Variants in NRIP1 observed in about 807,000 individuals in gnomAD.
NRIP1 encodes nuclear receptor-interacting protein 1.
A neutral mutation model predicts 75.0 loss-of-function variants in NRIP1; 28 were observed. The ratio of observed to expected loss-of-function variants is 0.37; its 90% CI spans 0.28 to 0.51. The LOEUF (loss-of-function observed/expected upper bound fraction) is 0.51. Among genes scored for constraint, NRIP1 ranks in the 20% least tolerant of loss-of-function variants. The probability of loss-of-function intolerance (pLI) is 0.92; values close to 1 mark genes in which losing one functional copy is unlikely to be tolerated. For missense variants in NRIP1, 1,435 were observed against 1,343.7 expected (o/e 1.07, Z -1.06); for synonymous variants, 526 against 487.6 (o/e 1.08, Z -1.04).
intron 2 of NRIP1, among the ~76,000 whole-genome samples, chr21:15,030,553 CTTAATT>C (rs1568992349): frequency 6.6e-6 from 1 of 152,164 alleles, no homozygotes; most frequent in African/African-American, 2.4e-5. Flanking sequence ...AGGGTTTCCT[CTTAATT>C]AAGAATTGAA....
At chr21:15,002,261 T>C (rs528374535) in intron 3 of NRIP1, 2 of 152,304 alleles carry the variant, frequency 1.3e-5, no homozygotes, top group East Asian at 3.9e-4. Context: ...TTTCATAGAA[T>C]ACTAATGTAA....
chr21:14,971,681 A>G (rs1242240157), intron 3 of NRIP1: 1 of 152,068 alleles, frequency 6.6e-6, no homozygotes, highest in African/African-American at 2.4e-5. Context: ...AGCACAAAAA[A>G]ATTAAAAAAT....
rs181717198 is a variant in NRIP1 at position 15,011,290 on chromosome 21, C to T, written c.-335+3054G>A. Among the ~76,000 whole-genome samples, 799 of 152,134 alleles carry T rather than the reference C, an allele frequency of 5.3e-3. 8 individuals are homozygous for T. The highest frequency in any genetic ancestry group is 6.8e-3 in the Middle Eastern group (2 of 292). ...CTGCAAGCTCCACCTCCCGGGTTCA[C>T]GCCATTCTCCTGCCTCAGCCTCCCG... is the stretch of plus-strand genomic sequence containing the variant. On this transcript the variant is annotated intron_variant, in intron 3 of 3. Transcript: ENST00000318948.
intron 1 of NRIP1, among the ~76,000 whole-genome samples, chr21:15,062,439 G>C (rs903926848): frequency 1.1e-4 from 16 of 152,288 alleles, no homozygotes; most frequent in African/African-American, 3.6e-4. Flanking sequence ...AAGATTTCTT[G>C]AATCTCTGAT....
At chr21:15,009,884 A>T (rs987447140) in intron 3 of NRIP1, among the ~76,000 whole-genome samples, 4 of 152,204 alleles carry the variant, frequency 2.6e-5, no homozygotes, top group Non-Finnish European at 5.9e-5. Context: ...TTACTAAAAA[A>T]AATAAAATAG....
rs969569444 is a variant in NRIP1, at chr21:14,966,657, A to G, written c.1536T>C (p.Asn512=). The G allele has an allele frequency of 6.2e-6, 10 of 1,613,748 alleles. No homozygotes were observed. Among genetic ancestry groups the G allele is most frequent in the Non-Finnish European group, 7.6e-6 (9 of 1,179,946 alleles). The change falls in exon 4 of 4, where the codon AAT becomes AAC. Residue 512 remains asparagine (N), a synonymous_variant. Coordinates refer to ENST00000318948, the MANE Select transcript of NRIP1 (RefSeq NM_003489.4). ...QLLLGHKNEE[N]VEKNTSPQGV... ...CCTGAGGGCTGGTGTTTTTTTCTAC[A>G]TTTTCTTCATTCTTATGGCCAAGTA... is the stretch of plus-strand genomic sequence containing the variant.
Position 14,966,444 on chromosome 21 carries a change from G to T in NRIP1, c.1749C>A (p.Val583=). ...TTAGCTTTTCAGACTGAGTACTGCA[G>T]ACATATGGTGGGGAATTCCATTTGA... is the stretch of plus-strand genomic sequence containing the variant. ...LVIKWNSPPY[V]CSTQSEKLTN... is the part of the protein sequence containing the mutation. Residue 583 remains valine, a synonymous_variant, in exon 4 of 4, where the codon GTC becomes GTA. Transcript: ENST00000318948. The T allele has an allele frequency of 6.2e-7, 1 of 1,614,070 alleles. No homozygotes were observed. The highest frequency in any genetic ancestry group is 8.5e-7 in the Non-Finnish European group (1 of 1,179,958).
intron 3 of NRIP1, among the ~76,000 whole-genome samples, chr21:14,976,337 C>T (rs1283683401): frequency 1.3e-5 from 2 of 152,002 alleles, no homozygotes; most frequent in East Asian, 1.9e-4. Context: ...TCACCATATG[C>T]GTAGATTGAT....
At chr21:15,016,276 C>T (rs1210111602) in intron 2 of NRIP1, among the ~76,000 whole-genome samples, 1 of 152,152 alleles carries the variant, frequency 6.6e-6, no homozygotes, top group East Asian at 1.9e-4. Context: ...GAGTAGGAAA[C>T]AATCACTTGC....
intron 3 of NRIP1, among the ~76,000 whole-genome samples, chr21:15,010,733 G>C (rs2088082134): frequency 2.6e-5 from 4 of 152,194 alleles, no homozygotes; most frequent in Non-Finnish European, 5.9e-5. Context: ...GGTTGTAAAA[G>C]ACTCGAACAA....
chr21:15,059,340 A>T (rs2089374719), intron 1 of NRIP1, among the ~76,000 whole-genome samples: 1 of 152,206 alleles, frequency 6.6e-6, no homozygotes, highest in African/African-American at 2.4e-5. Flanking sequence ...TTTAATTTAG[A>T]GTTTTTATTC....
chr21:14,977,319 C>A (rs1429416824), intron 3 of NRIP1, among the ~76,000 whole-genome samples: 1 of 152,102 alleles, frequency 6.6e-6, no homozygotes, highest in Non-Finnish European at 1.5e-5. Context: ...TCGTTGTTCT[C>A]CAAAGCAGGG....
At chr21:14,984,522 T>C (rs1412346231) in intron 3 of NRIP1, among the ~76,000 whole-genome samples, 1 of 152,120 alleles carries the variant, frequency 6.6e-6, no homozygotes, top group African/African-American at 2.4e-5. Context: ...GAATCTACTC[T>C]GGTGAAGAGA....
intron 3 of NRIP1, among the ~76,000 whole-genome samples, chr21:14,985,220 A>G (rs2147039269): frequency 6.6e-6 from 1 of 152,300 alleles, no homozygotes; most frequent in East Asian, 1.9e-4. Context: ...CAGCAAGTAA[A>G]CCTTTTGGAG....
chr21:15,036,601 G>A (rs1021811625), intron 2 of NRIP1, among the ~76,000 whole-genome samples: 1 of 150,756 alleles, frequency 6.6e-6, no homozygotes, highest in Admixed American at 6.6e-5. Context: ...TTTTTGGAGG[G>A]GGGGATATCT....
At chr21:14,984,104 T>C (rs1202963129) in intron 3 of NRIP1, among the ~76,000 whole-genome samples, 1 of 152,190 alleles carries the variant, frequency 6.6e-6, no homozygotes, top group Non-Finnish European at 1.5e-5. Context: ...ATTCCTCTGA[T>C]TGGATCTGGG....
chr21:14,976,531 T>C (rs2087074640), intron 3 of NRIP1, among the ~76,000 whole-genome samples: 1 of 152,204 alleles, frequency 6.6e-6, no homozygotes, highest in Non-Finnish European at 1.5e-5. Context: ...TAGTAAATAC[T>C]GTGCATACTA....
chr21:15,023,554 C>T (rs530365449), intron 2 of NRIP1, among the ~76,000 whole-genome samples: 4 of 152,174 alleles, frequency 2.6e-5, no homozygotes, highest in Admixed American at 6.5e-5. Context: ...GCATTAACAA[C>T]GAAACCTAAA....
chr21:15,038,390 T>C (rs545776935), intron 2 of NRIP1, among the ~76,000 whole-genome samples: 1 of 152,106 alleles, frequency 6.6e-6, no homozygotes, highest in South Asian at 2.1e-4. Context: ...TTTGGAAAAA[T>C]TACTTTCCAA....
Sources: gnomAD v4.1 joint callset for allele counts (sites outside exome capture counted in the v4.1 genomes callset) on GRCh38, gnomAD v4.1.1 for gene constraint, MANE v1.5 for transcripts, NCBI Gene and HGNC (gene_info 2026-07-23, HGNC 2026-07-21) for gene names.